The following TRIM38 variants were observed in gnomAD, a reference collection of about 807,000 sequenced individuals.
The protein encoded by TRIM38 is E3 ubiquitin-protein ligase TRIM38.
A neutral mutation model predicts 35.8 loss-of-function variants in TRIM38; 35 were observed. The ratio of observed to expected loss-of-function variants is 0.98; its 90% CI spans 0.75 to 1.30. The LOEUF (loss-of-function observed/expected upper bound fraction) is 1.30, where lower values mean the gene tolerates loss of function less well. TRIM38 is among the 50% of genes most tolerant of loss of function. The pLI, the probability that TRIM38 is intolerant of heterozygous loss-of-function variation, is 0.00. For synonymous variants in TRIM38, 198 were observed against 204.7 expected, an observed-to-expected ratio of 0.97 and a Z score of 0.28; for missense variants, 545 against 556.9, an observed-to-expected ratio of 0.98 and a Z score of 0.21.
chr6:25,965,785 G>T (rs1760016347), intron 2 of TRIM38, among the ~76,000 whole-genome samples: 1 of 152,058 alleles, frequency 6.6e-6, no homozygotes, highest in South Asian at 2.1e-4. Flanking sequence ...GGGCGTAGTG[G>T]TGCACACCTG....
At chr6:25,963,869 C>T (rs1465459886) in intron 2 of TRIM38, among the ~76,000 whole-genome samples, 2 of 152,070 alleles carry the variant, frequency 1.3e-5, no homozygotes, top group Non-Finnish European at 2.9e-5. Context: ...TCACTATTCT[C>T]CTTTCTCTTT....
chr6:25,968,836 C>T (rs1294272099), intron 3 of TRIM38, among the ~76,000 whole-genome samples: 8 of 152,218 alleles, frequency 5.3e-5, no homozygotes. Context: ...CAGCTGGCAT[C>T]CTGATTTTTC....
chr6:25,970,959 C>T (rs1034958306), intron 4 of TRIM38, among the ~76,000 whole-genome samples: 1 of 151,968 alleles, frequency 6.6e-6, no homozygotes, highest in African/African-American at 2.4e-5. Flanking sequence ...TAAGATGACC[C>T]TAGGGTAGTA....
At chr6:25,982,867 A>T (rs1290122176) in intron 7 of TRIM38, among the ~76,000 whole-genome samples, 3 of 152,164 alleles carry the variant, frequency 2.0e-5, no homozygotes, top group African/African-American at 7.2e-5. Context: ...TGGGTGGAAC[A>T]CTTCAGGTCA....
intron 7 of TRIM38, among the ~76,000 whole-genome samples, chr6:25,981,814 T>C (rs1403714023): frequency 6.6e-6 from 1 of 152,212 alleles, no homozygotes; most frequent in African/African-American, 2.4e-5. Flanking sequence ...AGGGAAAAGG[T>C]ATCTTTCTGC....
At position 25,966,744 on chromosome 6, in the gene TRIM38, C is replaced by A; in HGVS notation, c.222C>A (p.Asn74Lys). 1.2e-6 allele frequency: 2 copies of A among 1,614,194 alleles called. No individual in the cohort carries two copies. The highest frequency in any genetic ancestry group is 1.7e-6 in the Non-Finnish European group (2 of 1,180,040). ...APFHMDSLRP[N>K]KQLGSLIEAL... ...TTCATATGGATAGCCTCCGACCCAA[C>A]AAGCAGCTGGGAAGCCTCATTGAAG... The change falls in exon 3 of 8, where the codon AAC (asparagine) becomes AAA (lysine). Residue 74 changes from asparagine (N) to lysine (K), a missense_variant. Asn to Lys is a moderately conservative substitution (Grantham distance 94, BLOSUM62 0). Transcript: ENST00000357085.
At chr6:25,972,415 G>A (rs1349065833) in intron 5 of TRIM38, among the ~76,000 whole-genome samples, 1 of 152,146 alleles carries the variant, frequency 6.6e-6, no homozygotes, top group Admixed American at 6.5e-5. Context: ...ATGAAGTGGG[G>A]CAGCCAAAAT....
chr6:25,980,828 T>C (rs1760523922), intron 7 of TRIM38, among the ~76,000 whole-genome samples: 1 of 152,252 alleles, frequency 6.6e-6, no homozygotes, highest in African/African-American at 2.4e-5. Flanking sequence ...CTATATGTTT[T>C]TGTTGATGTG....
Position 25,966,545 on chromosome 6 carries a change from A to C in TRIM38, c.23A>C (p.Lys8Thr). 6.2e-7 allele frequency: 1 copy of C among 1,611,848 alleles called. No homozygotes were observed. Among genetic ancestry groups the C allele is most frequent in the Non-Finnish European group, 8.5e-7 (1 of 1,178,556 alleles). Reference protein sequence around the residue: MASTTSTKKMMEEATCSI... With the variant: MASTTSTTKMMEEATCSI... ...GCTATGGCCTCAACCACCAGCACCA[A>C]GAAGATGATGGAGGAAGCCACCTGC... Residue 8 changes from lysine (K) to threonine (T), a missense_variant, in exon 3 of 8, where the codon AAG becomes ACG. Coordinates refer to ENST00000357085, the MANE Select transcript of TRIM38 (RefSeq NM_006355.5).
chr6:25,978,770 G>A lies in TRIM38; in HGVS notation c.875-4394G>A, dbSNP rs539903378. ...CAATCTCCACCTCCCAGGCTCAAGT[G>A]ATCCTCTCACCTCAGCTTCCCGAGT... On this transcript the variant is annotated intron_variant, in intron 7 of 7. Transcript: ENST00000357085. Among the ~76,000 whole-genome samples, 3 of 152,256 alleles carry A rather than the reference G, an allele frequency of 2.0e-5. No homozygotes were observed. The South Asian group carries it at 6.2e-4, about 32-fold the overall frequency.
intron 7 of TRIM38, among the ~76,000 whole-genome samples, chr6:25,978,931 G>A (rs921363186): frequency 6.6e-6 from 1 of 152,118 alleles, no homozygotes; most frequent in Non-Finnish European, 1.5e-5. Flanking sequence ...GCCTCCCAAC[G>A]TGCTGGGATT....
chr6:25,964,262 ATGTATAAATATGTATGTATAC>A (rs1273246885), intron 2 of TRIM38, among the ~76,000 whole-genome samples: 6 of 152,144 alleles, frequency 3.9e-5, no homozygotes, highest in East Asian at 1.9e-4. Flanking sequence ...ATATGTATGT[ATGTATAAATATGTATGTATAC>A]TGTATAAATA....
In TRIM38 at chr6:25,983,890, G is replaced by C; in HGVS notation, c.*203G>C. Reference sequence around the variant, plus strand: ...TACCACAGATGGTTAACCTGGACTGGGGCAAAGCAAGATAATAGTGATGAT... The same window carrying C: ...TACCACAGATGGTTAACCTGGACTGCGGCAAAGCAAGATAATAGTGATGAT... On this transcript the variant is annotated 3_prime_UTR_variant, in exon 8 of 8. Transcript: ENST00000357085. The C allele has an allele frequency of 1.9e-6, 1 of 533,696 alleles. No individual in the cohort carries two copies. Among genetic ancestry groups the C allele is most frequent in the Non-Finnish European group, 3.2e-6 (1 of 309,182 alleles). The allele number at this position is 533,696 out of a possible 1,614,324, so 33.1% of individuals were successfully genotyped here.
chr6:25,983,359 C>T lies in TRIM38; in HGVS notation c.1070C>T (p.Thr357Ile). The T allele has an allele frequency of 6.2e-7, 1 of 1,614,014 alleles. No individual in the cohort carries two copies. Among genetic ancestry groups the T allele is most frequent in the Non-Finnish European group, 8.5e-7 (1 of 1,179,984 alleles). Residue 357 changes from threonine to isoleucine, a missense_variant, in exon 8 of 8, where the codon ACC (threonine) becomes ATC (isoleucine). Thr to Ile is a moderately conservative substitution (Grantham distance 89). Coordinates refer to ENST00000357085, the MANE Select transcript of TRIM38 (RefSeq NM_006355.5). Reference sequence around the variant, plus strand: ...TTTGAAGTGGATGTTGGCGAAGGAACCGGATGGGATTTAGGAGTTTGTATG... The same window carrying T: ...TTTGAAGTGGATGTTGGCGAAGGAATCGGATGGGATTTAGGAGTTTGTATG... ...RYFEVDVGEG[T>I]GWDLGVCMEN...
rs1393092519 is a variant in TRIM38, at chr6:25,987,709, CTG to C, written c.*4024_*4025del. On this transcript the variant is annotated 3_prime_UTR_variant, in exon 8 of 8. Coordinates refer to ENST00000357085, the MANE Select transcript of TRIM38 (RefSeq NM_006355.5). ...TTGACACGTCATTATCAACGAAAGTCTGTAATTTACATTAGGGTTTATTCTTG... is the reference window on the plus strand; with the variant it reads ...TTGACACGTCATTATCAACGAAAGTCTAATTTACATTAGGGTTTATTCTTG... 5 of 152,194 alleles carry C rather than the reference CTG, an allele frequency of 3.3e-5. No individual in the cohort carries two copies. The highest frequency in any genetic ancestry group is 1.2e-4 in the African/African-American group (5 of 41,436). The allele number at this position is 152,194 out of a possible 1,614,324, so 9.4% of individuals were successfully genotyped here. A position where few individuals can be genotyped will look rare whatever the true frequency, so the allele number is the denominator to read the frequency against.
intron 7 of TRIM38, among the ~76,000 whole-genome samples, chr6:25,978,086 A>G (rs1221516868): frequency 6.6e-6 from 1 of 152,066 alleles, no homozygotes; most frequent in African/African-American, 2.4e-5. Flanking sequence ...CATAATATAT[A>G]TATATACACA....
chr6:25,973,005 T>C (rs1473291745), intron 5 of TRIM38, 49 bp from the exon 6 acceptor site: 2 of 1,612,688 alleles, frequency 1.2e-6, no homozygotes, highest in Non-Finnish European at 8.5e-7. Context: ...ACAAGCCCCA[T>C]GAAATACCGA....
chr6:25,971,849 C>A lies in TRIM38; in HGVS notation c.508-20C>A. 6.2e-7 allele frequency: 1 copy of A among 1,604,256 alleles called. No individual in the cohort carries two copies. The highest frequency in any genetic ancestry group is 8.5e-7 in the Non-Finnish European group (1 of 1,171,448). ...CATTTGGTTTACTTCCACCTTTTGA[C>A]CATACTTTCTTGACTCCAGGAGAAG... On this transcript the variant is annotated intron_variant, in intron 4 of 7. Coordinates refer to ENST00000357085, the MANE Select transcript of TRIM38 (RefSeq NM_006355.5).
chr6:25,980,423 CT>C (rs1228527323), intron 7 of TRIM38, among the ~76,000 whole-genome samples: 274 of 140,472 alleles, frequency 2.0e-3, no homozygotes, highest in Admixed American at 1.8e-3. Context: ...TTCATTCTTT[CT>C]TTTTTTTTTT....
Sources: gnomAD v4.1 joint callset for allele counts (sites outside exome capture counted in the v4.1 genomes callset) on GRCh38, gnomAD v4.1.1 for gene constraint, MANE v1.5 for transcripts, NCBI Gene and HGNC (gene_info 2026-07-23, HGNC 2026-07-21) for gene names.